The following DUSP16 variants were observed in gnomAD, a reference collection of about 807,000 sequenced individuals.
DUSP16 encodes the protein dual specificity phosphatase 16.
In DUSP16, 21 loss-of-function variants were observed where a neutral mutation model predicts 58.3. The ratio of observed to expected loss-of-function variants is 0.36; its 90% confidence interval spans 0.26 to 0.52. The LOEUF (loss-of-function observed/expected upper bound fraction) is 0.52. DUSP16 is among the 20% of genes least tolerant of loss of function. DUSP16 has a pLI of 0.94. For missense variants in DUSP16, 726 were observed against 819.0 expected (o/e 0.89, Z 1.39); for synonymous variants, 320 against 323.8 (o/e 0.99, Z 0.12).
At chr12:12,486,922 C>CT (rs1224030891) in intron 5 of DUSP16, 106 bp downstream of exon 5, 3 of 1,366,492 alleles carry the variant, frequency 2.2e-6, no homozygotes, top group Non-Finnish European at 2.0e-6. Flanking sequence ...TTTGAAATCT[C>CT]TGAAATAGGC....
At chr12:12,516,265 G>A (rs1031951599) in intron 3 of DUSP16, among the ~76,000 whole-genome samples, 4 of 151,984 alleles carry the variant, frequency 2.6e-5, no homozygotes, top group South Asian at 2.1e-4. Flanking sequence ...TCAGCTTCCC[G>A]AGTAGCTGGA....
At chr12:12,523,514 T>C (rs1944263276) in intron 1 of DUSP16, among the ~76,000 whole-genome samples, 1 of 152,252 alleles carries the variant, frequency 6.6e-6, no homozygotes, top group Admixed American at 6.5e-5. Flanking sequence ...CACCATATTT[T>C]ACAAACCAGC....
At chr12:12,482,211 ACTTAACG>A (rs1196665978) in intron 5 of DUSP16, among the ~76,000 whole-genome samples, 12 of 152,140 alleles carry the variant, frequency 7.9e-5, no homozygotes, top group Non-Finnish European at 1.8e-4. Flanking sequence ...CCCCCAAAAG[ACTTAACG>A]CTAGGCACAT....
chr12:12,476,821 G>C lies in DUSP16; in HGVS notation c.*12C>G. On this transcript the variant is annotated 3_prime_UTR_variant, in exon 7 of 7. Coordinates refer to ENST00000298573, the MANE Select transcript of DUSP16 (RefSeq NM_030640.3). Reference sequence around the variant, plus strand: ...AAAAAATTGTCTATAGAAGTCACAAGTGTCTTTCTTCTCAGGAGACCTCAA... The same window carrying C: ...AAAAAATTGTCTATAGAAGTCACAACTGTCTTTCTTCTCAGGAGACCTCAA... 1 of 1,564,428 alleles carries C rather than the reference G, an allele frequency of 6.4e-7. No individual in the cohort carries two copies. Among genetic ancestry groups the C allele is most frequent in the Non-Finnish European group, 8.6e-7 (1 of 1,162,266 alleles).
At chr12:12,517,901 C>T (rs1237725999) in intron 3 of DUSP16, among the ~76,000 whole-genome samples, 1 of 152,160 alleles carries the variant, frequency 6.6e-6, no homozygotes, top group African/African-American at 2.4e-5. Flanking sequence ...TGTGTCACAC[C>T]ACGTGTCCCT....
Position 12,500,606 on chromosome 12 carries a change from A to C in DUSP16, c.444T>G (p.Ser148=). ...TGTTGGCAACAGGTAAGCAAGGCTG[A>C]GAAATGCAGGTAGGGACTAGAGTGG... ...GKSTLVPTCI[S]QPCLPVANIG... Residue 148 remains serine, a synonymous_variant, in exon 4 of 7, where the codon TCT becomes TCG. Coordinates refer to ENST00000298573, the MANE Select transcript of DUSP16 (RefSeq NM_030640.3). The C allele has an allele frequency of 6.2e-7, 1 of 1,612,238 alleles. No individual in the cohort carries two copies. The highest frequency in any genetic ancestry group is 8.5e-7 in the Non-Finnish European group (1 of 1,179,258).
chr12:12,494,786 G>A (rs1315703010), intron 4 of DUSP16, among the ~76,000 whole-genome samples: 1 of 152,168 alleles, frequency 6.6e-6, no homozygotes, highest in Non-Finnish European at 1.5e-5. Context: ...GTCCTGGAAG[G>A]TCTTAAATAT....
intron 1 of DUSP16, among the ~76,000 whole-genome samples, chr12:12,536,317 T>C (rs1944461991): frequency 6.6e-6 from 1 of 152,192 alleles, no homozygotes; most frequent in South Asian, 2.1e-4. Context: ...CAGAATAATA[T>C]CTGAAAATAT....
chr12:12,485,201 G>A (rs1452294084), intron 5 of DUSP16, among the ~76,000 whole-genome samples: 2 of 150,010 alleles, frequency 1.3e-5, no homozygotes, highest in Non-Finnish European at 3.0e-5. Context: ...GTAGAGGTGG[G>A]GTTTCACTAT....
chr12:12,548,525 G>A (rs377294571), intron 1 of DUSP16, among the ~76,000 whole-genome samples: 2 of 151,052 alleles, frequency 1.3e-5, no homozygotes, highest in Non-Finnish European at 2.9e-5. Flanking sequence ...CCAGCTACTC[G>A]GGAAGCTGAG....
intron 6 of DUSP16, 142 bp downstream of exon 6, chr12:12,480,081 C>T (rs1323327746): frequency 1.8e-6 from 2 of 1,132,034 alleles, no homozygotes; most frequent in Admixed American, 2.3e-5. Context: ...CTTCACAAGA[C>T]CATTAAAAAA....
chr12:12,492,018 A>G (rs1331027759), intron 4 of DUSP16, among the ~76,000 whole-genome samples: 1 of 151,950 alleles, frequency 6.6e-6, no homozygotes, highest in Non-Finnish European at 1.5e-5. Context: ...TTTTACCCCA[A>G]CTTCCTCTGC....
At chr12:12,525,675 C>A (rs1230175613) in intron 1 of DUSP16, among the ~76,000 whole-genome samples, 4 of 151,674 alleles carry the variant, frequency 2.6e-5, no homozygotes, top group Non-Finnish European at 5.9e-5. Flanking sequence ...GAGTTCAAGA[C>A]CAGCCTGAGC....
chr12:12,501,617 TGCTATTCAAACCCTC>T (rs61495801), intron 3 of DUSP16, among the ~76,000 whole-genome samples: 42,937 of 151,922 alleles, frequency 0.28, 6,911 homozygotes, highest in Non-Finnish European at 0.35. Flanking sequence ...ATATACGCCT[TGCTATTCAAACCCTC>T]GCTATTCACT....
At chr12:12,539,910 C>T (rs755249269) in intron 1 of DUSP16, among the ~76,000 whole-genome samples, 11 of 151,924 alleles carry the variant, frequency 7.2e-5, no homozygotes, top group African/African-American at 2.7e-4. Context: ...AAAAATTAGC[C>T]GGGCGTGGTA....
chr12:12,495,203 T>C (rs1383936990), intron 4 of DUSP16, among the ~76,000 whole-genome samples: 2 of 144,298 alleles, frequency 1.4e-5, no homozygotes, highest in Non-Finnish European at 3.0e-5. Flanking sequence ...GTAAATTGTA[T>C]GGTATATGAA....
intron 5 of DUSP16, among the ~76,000 whole-genome samples, chr12:12,483,981 TAAAAAAATTTAAAAATTAA>T (rs1401523878): frequency 1.3e-5 from 2 of 151,456 alleles, no homozygotes; most frequent in Admixed American, 6.6e-5. Context: ...TAAATAAAAA[TAAAAAAATTTAAAAATTAA>T]AAAAAAATTT....
intron 3 of DUSP16, among the ~76,000 whole-genome samples, chr12:12,519,283 CTTTT>C (rs1041192567): frequency 3.3e-5 from 5 of 152,056 alleles, no homozygotes; most frequent in Admixed American, 1.3e-4. Context: ...TACGTTGAGA[CTTTT>C]TTTTAATTAT....
At chr12:12,561,227 TA>T (rs1944897822) in intron 1 of DUSP16, 2 of 152,178 alleles carry the variant, frequency 1.3e-5, no homozygotes, top group Non-Finnish European at 2.9e-5. Flanking sequence ...CTCCCCAGCT[TA>T]TTCATCACAG....
Sources: allele counts gnomAD v4.1 joint callset (sites outside exome capture counted in the v4.1 genomes callset), GRCh38; gene constraint gnomAD v4.1.1; transcripts MANE v1.5; gene names NCBI Gene and HGNC (gene_info 2026-07-23, HGNC 2026-07-21).